The following WDR25 variants were observed in gnomAD, a reference collection of about 807,000 sequenced individuals.
The protein encoded by WDR25 is WD repeat domain 25.
WDR25 carries 35 observed loss-of-function variants against 47.7 expected under a neutral mutation model. That is an observed-to-expected ratio of 0.73 (90% CI 0.56 to 0.97). WDR25 has a LOEUF of 0.97. Among genes scored for constraint, WDR25 ranks in the 50% least tolerant of loss-of-function variants. The pLI, the probability that WDR25 is intolerant of heterozygous loss-of-function variation, is 0.00. For synonymous variants in WDR25, 248 were observed against 278.9 expected (o/e 0.89, Z 1.10); for missense variants, 634 against 704.7 (o/e 0.90, Z 1.14).
chr14:100,465,591 T>C (rs1899602878), intron 2 of WDR25, among the ~76,000 whole-genome samples: 1 of 152,254 alleles, frequency 6.6e-6, no homozygotes, highest in South Asian at 2.1e-4. Context: ...GAACACATTT[T>C]TACAATTCAT....
At chr14:100,521,162 A>G (rs2029872330) in intron 4 of WDR25, among the ~76,000 whole-genome samples, 1 of 150,974 alleles carries the variant, frequency 6.6e-6, no homozygotes, top group South Asian at 2.1e-4. Flanking sequence ...TCCAACAAAC[A>G]CACAGACACA....
At chr14:100,454,246 G>A (rs1335171925) in intron 2 of WDR25, among the ~76,000 whole-genome samples, 1 of 152,076 alleles carries the variant, frequency 6.6e-6, no homozygotes, top group African/African-American at 2.4e-5. Flanking sequence ...GGTGTTCAGT[G>A]GCTCACCCAC....
At chr14:100,419,158 A>G (rs1035510428) in intron 2 of WDR25, among the ~76,000 whole-genome samples, 15 of 148,382 alleles carry the variant, frequency 1.0e-4, no homozygotes, top group African/African-American at 3.8e-4. Flanking sequence ...GGAGGCGGAG[A>G]TTGCAGTGAG....
At chr14:100,484,564 ACTT>A (rs1201043847) in intron 4 of WDR25, among the ~76,000 whole-genome samples, 1 of 151,830 alleles carries the variant, frequency 6.6e-6, no homozygotes, top group Admixed American at 6.6e-5. Context: ...CTGTGGGAAG[ACTT>A]CTTAGAGGAA....
At position 100,381,390 on chromosome 14, in the gene WDR25, A is replaced by C. The variant is rs1370450913; in HGVS notation, c.466A>C (p.Thr156Pro). The change falls in exon 2 of 7, where the codon ACC becomes CCC. Residue 156 changes from threonine to proline, a missense_variant. Coordinates refer to ENST00000402312, the MANE Select transcript of WDR25 (RefSeq NM_001161476.3). ...SSFHAQSESE[T>P]VGKNGSSFQK... ...TTTCCATGCTCAAAGTGAGTCTGAA[A>C]CCGTAGGTAAAAATGGCAGCTCTTT... 6.2e-7 allele frequency: 1 copy of C among 1,614,078 alleles called. No homozygotes were observed. The highest frequency in any genetic ancestry group is 2.2e-5 in the East Asian group (1 of 44,888).
At chr14:100,417,501 C>T (rs545541576) in intron 2 of WDR25, among the ~76,000 whole-genome samples, 2 of 152,286 alleles carry the variant, frequency 1.3e-5, no homozygotes, top group East Asian at 3.9e-4. Context: ...CCTGAGCAGC[C>T]AGGCTGGTTG....
intron 3 of WDR25, among the ~76,000 whole-genome samples, chr14:100,473,059 T>C (rs1250044562): frequency 1.3e-5 from 2 of 152,236 alleles, no homozygotes; most frequent in South Asian, 2.1e-4. Flanking sequence ...AAGAGGTGTC[T>C]TCTTGTCTCT....
intron 2 of WDR25, among the ~76,000 whole-genome samples, chr14:100,386,307 C>CG (rs1897015834): frequency 6.6e-6 from 1 of 152,128 alleles, no homozygotes; most frequent in South Asian, 2.1e-4. Flanking sequence ...CCTCCCTGGT[C>CG]GGGGGCCCTA....
At chr14:100,522,027 A>G (rs902107588) in intron 4 of WDR25, among the ~76,000 whole-genome samples, 4 of 152,200 alleles carry the variant, frequency 2.6e-5, no homozygotes, top group African/African-American at 9.7e-5. Flanking sequence ...GCAAAGTGGA[A>G]GGACCATTTC....
rs574769712 is a variant in WDR25 at position 100,502,185 on chromosome 14, C to T, written c.1101+18061C>T. ...CCTTGATAGTTGTGGGAGGTGCAGGCAGAGCCCCCCACTGTGGTGGCCCTT... is the reference window on the plus strand; with the variant it reads ...CCTTGATAGTTGTGGGAGGTGCAGGTAGAGCCCCCCACTGTGGTGGCCCTT... On this transcript the variant is annotated intron_variant, in intron 4 of 6. Coordinates refer to ENST00000402312, the MANE Select transcript of WDR25 (RefSeq NM_001161476.3). The surrounding 1 kb of genome is among the most constrained non-coding windows in gnomAD (Gnocchi z 4.5). Among the ~76,000 whole-genome samples, 175 of 152,342 alleles carry T rather than the reference C, an allele frequency of 1.1e-3. No individual in the cohort carries two copies. Among genetic ancestry groups the T allele is most frequent in the Admixed American group, 3.5e-3 (53 of 15,306 alleles).
chr14:100,467,678 G>A (rs996758051), intron 2 of WDR25, among the ~76,000 whole-genome samples: 1 of 151,946 alleles, frequency 6.6e-6, no homozygotes, highest in East Asian at 1.9e-4. Flanking sequence ...TAGAGAAAAG[G>A]TTTCACCATG....
chr14:100,441,912 T>G (rs557781231), intron 2 of WDR25, among the ~76,000 whole-genome samples: 64 of 152,044 alleles, frequency 4.2e-4, no homozygotes, highest in Non-Finnish European at 6.3e-4. Flanking sequence ...TTAGGTATTT[T>G]TATTCCCATT....
chr14:100,514,990 G>A, intron 4 of WDR25, among the ~76,000 whole-genome samples: 1 of 152,124 alleles, frequency 6.6e-6, no homozygotes, highest in Non-Finnish European at 1.5e-5. Flanking sequence ...ATTTGGGGTT[G>A]ATGATTTTTT....
chr14:100,473,529 G>T (rs1478972328), intron 3 of WDR25, among the ~76,000 whole-genome samples: 3 of 152,224 alleles, frequency 2.0e-5, no homozygotes, highest in Non-Finnish European at 2.9e-5. Context: ...ATAACATGGG[G>T]CCTCTGGGAA....
chr14:100,529,338 G>A lies in WDR25; in HGVS notation c.1413+130G>A, dbSNP rs1165556332. On this transcript the variant is annotated intron_variant, in intron 6 of 6. Coordinates refer to ENST00000402312, the MANE Select transcript of WDR25 (RefSeq NM_001161476.3). The surrounding 1 kb of genome is among the most constrained non-coding windows in gnomAD (Gnocchi z 5.1). ...ATCCTGCTTTCTGTTTCCTGGGTGA[G>A]CGCATGCCATGTGGCTCACTGTCTC... 7.2e-7 allele frequency: 1 copy of A among 1,394,058 alleles called. No individual in the cohort carries two copies. Among genetic ancestry groups the A allele is most frequent in the Admixed American group, 2.1e-5 (1 of 48,672 alleles). 86.4% of individuals were successfully genotyped at this position (1,394,058 alleles called of 1,614,324 possible).
chr14:100,451,794 C>T (rs1448555771), intron 2 of WDR25, among the ~76,000 whole-genome samples: 3 of 152,200 alleles, frequency 2.0e-5, no homozygotes, highest in African/African-American at 7.2e-5. Context: ...CAAGAGCACT[C>T]AACTCTGAGA....
chr14:100,382,394 T>C (rs1896925674), intron 2 of WDR25, among the ~76,000 whole-genome samples: 1 of 152,060 alleles, frequency 6.6e-6, no homozygotes, highest in Non-Finnish European at 1.5e-5. Flanking sequence ...GCCCTGTGTA[T>C]GTGTTGGCTC....
At chr14:100,486,207 A>T (rs1021177802) in intron 4 of WDR25, among the ~76,000 whole-genome samples, 1 of 152,162 alleles carries the variant, frequency 6.6e-6, no homozygotes, top group Non-Finnish European at 1.5e-5. Context: ...CACGTCCCTT[A>T]TGGGTGCGCT....
chr14:100,461,867 G>A (rs1899424305), intron 2 of WDR25, among the ~76,000 whole-genome samples: 1 of 151,766 alleles, frequency 6.6e-6, no homozygotes, highest in East Asian at 1.9e-4. Context: ...CCAGGTGATG[G>A]GGTTATGGAT....
Sources: gnomAD v4.1 joint callset for allele counts (sites outside exome capture counted in the v4.1 genomes callset) on GRCh38, gnomAD v4.1.1 for gene constraint, Gnocchi (gnomAD v3.1) non-coding constraint, MANE v1.5 for transcripts, NCBI Gene and HGNC (gene_info 2026-07-23, HGNC 2026-07-21) for gene names.